Variants in TGFB2 observed in about 807,000 individuals in gnomAD.
TGFB2 encodes the protein transforming growth factor beta 2.
In TGFB2, 13 loss-of-function variants were observed where a neutral mutation model predicts 42.7. The ratio of observed to expected loss-of-function variants is 0.30; its 90% CI spans 0.20 to 0.48. The LOEUF (loss-of-function observed/expected upper bound fraction) is 0.48, where lower values mean the gene tolerates loss of function less well. Ranked by LOEUF, TGFB2 falls within the 20% of genes least tolerant of loss-of-function variation. The pLI, the probability that TGFB2 is intolerant of heterozygous loss-of-function variation, is 0.99. For missense variants in TGFB2, 390 were observed against 517.5 expected (o/e 0.75, Z 2.39); for synonymous variants, 193 against 193.6 (o/e 1.00, Z 0.03).
chr1:218,366,526 G>A (rs1306029445), intron 1 of TGFB2, among the ~76,000 whole-genome samples: 3 of 152,006 alleles, frequency 2.0e-5, no homozygotes, highest in Admixed American at 2.0e-4. Context: ...GCCCAGGCTG[G>A]GCTCAAACTT....
chr1:218,377,739 G>T (rs966660714), intron 1 of TGFB2, among the ~76,000 whole-genome samples: 12 of 151,874 alleles, frequency 7.9e-5, no homozygotes, highest in African/African-American at 2.9e-4. Context: ...TGTGGCTGGG[G>T]AGAAACTCTG....
At chr1:218,416,060 C>G (rs549194133) in intron 2 of TGFB2, among the ~76,000 whole-genome samples, 1 of 152,220 alleles carries the variant, frequency 6.6e-6, no homozygotes, top group South Asian at 2.1e-4. Context: ...TTTTGGGGAA[C>G]AGCCATTGTT....
intron 2 of TGFB2, among the ~76,000 whole-genome samples, chr1:218,423,702 G>A (rs6671370): frequency 0.39 from 58,984 of 151,864 alleles, 12,590 homozygotes; most frequent in East Asian, 0.71. Flanking sequence ...TATCAATACT[G>A]AACTAAGGAA....
At chr1:218,429,031 A>G (rs1363840590) in intron 2 of TGFB2, among the ~76,000 whole-genome samples, 3 of 126,086 alleles carry the variant, frequency 2.4e-5, no homozygotes, top group Middle Eastern at 5.4e-3. Context: ...GCCAGGCTGG[A>G]GTGCAGTGGC....
intron 2 of TGFB2, among the ~76,000 whole-genome samples, chr1:218,415,331 C>T (rs544950268): frequency 6.6e-6 from 1 of 152,182 alleles, no homozygotes; most frequent in East Asian, 1.9e-4. Context: ...GGTTGCTGTC[C>T]CAGGAGTTTG....
At chr1:218,420,550 T>A (rs1420804377) in intron 2 of TGFB2, among the ~76,000 whole-genome samples, 4 of 152,196 alleles carry the variant, frequency 2.6e-5, no homozygotes, top group African/African-American at 9.7e-5. Flanking sequence ...AAAGTTTTTT[T>A]TTTTAATGAA....
intron 1 of TGFB2, among the ~76,000 whole-genome samples, chr1:218,356,313 C>A (rs370187181): frequency 6.6e-6 from 1 of 151,820 alleles, no homozygotes; most frequent in Non-Finnish European, 1.5e-5. Context: ...ATCTCCTGGG[C>A]TCTAGTTATC....
At chr1:218,418,314 G>C (rs1037876192) in intron 2 of TGFB2, among the ~76,000 whole-genome samples, 27 of 152,360 alleles carry the variant, frequency 1.8e-4, no homozygotes, top group African/African-American at 6.5e-4. Flanking sequence ...GGAGCTTTAA[G>C]ATTTTACTGC....
At chr1:218,418,592 G>A (rs1659354746) in intron 2 of TGFB2, among the ~76,000 whole-genome samples, 1 of 152,146 alleles carries the variant, frequency 6.6e-6, no homozygotes, top group Non-Finnish European at 1.5e-5. Context: ...GAAATGTGAG[G>A]ACATGAGATT....
intron 1 of TGFB2, among the ~76,000 whole-genome samples, chr1:218,355,707 T>C (rs909492532): frequency 3.9e-5 from 6 of 152,212 alleles, no homozygotes; most frequent in African/African-American, 1.4e-4. Context: ...CTGGTGCAGC[T>C]GCTTCTGGCC....
chr1:218,346,851 C>T lies in TGFB2; in HGVS notation c.150C>T (p.Leu50=). Reference sequence around the variant, plus strand: ...GGCAGATCCTGAGCAAGCTGAAGCTCACCAGTCCCCCAGAAGACTATCCTG... The same window carrying T: ...GGCAGATCCTGAGCAAGCTGAAGCTTACCAGTCCCCCAGAAGACTATCCTG... The part of the protein sequence containing the change: ...IRGQILSKLK[L]TSPPEDYPEP... Residue 50 remains leucine, a synonymous_variant, in exon 1 of 7, where the codon CTC becomes CTT. Transcript: ENST00000366930. This position sits in a 1 kb window ranked among gnomAD's most constrained non-coding sequence, Gnocchi z 4.9. The T allele has an allele frequency of 6.2e-7, 1 of 1,614,162 alleles. No homozygotes were observed. The highest frequency in any genetic ancestry group is 2.2e-5 in the East Asian group (1 of 44,858).
chr1:218,422,591 G>T (rs1246718517), intron 2 of TGFB2, among the ~76,000 whole-genome samples: 1 of 151,992 alleles, frequency 6.6e-6, no homozygotes, highest in East Asian at 1.9e-4. Context: ...TGGTTTTTTG[G>T]ATGTTCATAG....
rs140186307 is a variant in TGFB2 at position 218,425,477 on chromosome 1, G to A, written c.511-8605G>A. Among the ~76,000 whole-genome samples the A allele has an allele frequency of 4.7e-3, 712 of 152,226 alleles. 12 individuals carry two copies. Among genetic ancestry groups the A allele is most frequent in the African/African-American group, 0.016 (684 of 41,550 alleles). On this transcript the variant is annotated intron_variant, in intron 2 of 6. Coordinates refer to ENST00000366930, the MANE Select transcript of TGFB2 (RefSeq NM_003238.6). ...CCACCTCAGCCTCCCAAAGTGCTAG[G>A]ATTACAGATGTGAGCCACCGTGCCC...
At chr1:218,367,220 T>A (rs1311289792) in intron 1 of TGFB2, among the ~76,000 whole-genome samples, 4 of 152,158 alleles carry the variant, frequency 2.6e-5, no homozygotes, top group Non-Finnish European at 4.4e-5. Flanking sequence ...TTCCCTGAGG[T>A]AGCATTTGGC....
At chr1:218,386,963 T>C (rs1658157572) in intron 1 of TGFB2, among the ~76,000 whole-genome samples, 1 of 152,192 alleles carries the variant, frequency 6.6e-6, no homozygotes, top group Non-Finnish European at 1.5e-5. Context: ...TTCCCGTCTA[T>C]CAAGGTGAAC....
At chr1:218,433,680 C>A (rs1659879297) in intron 2 of TGFB2, among the ~76,000 whole-genome samples, 1 of 152,156 alleles carries the variant, frequency 6.6e-6, no homozygotes, top group Admixed American at 6.5e-5. Flanking sequence ...AACTGGACTT[C>A]TCCTCTTGTC....
chr1:218,441,021 CTT>C (rs1261964512), intron 6 of TGFB2, among the ~76,000 whole-genome samples, 181 bp from the exon 7 acceptor site: 2 of 152,190 alleles, frequency 1.3e-5, no homozygotes, highest in Non-Finnish European at 2.9e-5. Flanking sequence ...AAAATAATGA[CTT>C]TGGTGATTGC....
intron 2 of TGFB2, among the ~76,000 whole-genome samples, chr1:218,408,680 C>T (rs1300895859): frequency 6.6e-6 from 1 of 152,020 alleles, no homozygotes; most frequent in Non-Finnish European, 1.5e-5. Context: ...ATTGCTTCAA[C>T]TAGTTTGACT....
At chr1:218,391,942 G>C (rs1329589292) in intron 1 of TGFB2, among the ~76,000 whole-genome samples, 1 of 152,232 alleles carries the variant, frequency 6.6e-6, no homozygotes, top group Non-Finnish European at 1.5e-5. Context: ...GGGCAAAGTA[G>C]AGAACAACTA....
Sources: allele counts gnomAD v4.1 joint callset (sites outside exome capture counted in the v4.1 genomes callset), GRCh38; gene constraint gnomAD v4.1.1; non-coding constraint Gnocchi (gnomAD v3.1); transcripts MANE v1.5; gene names NCBI Gene and HGNC (gene_info 2026-07-23, HGNC 2026-07-21).